Variants in CADPS observed in about 807,000 individuals in gnomAD.
CADPS encodes the protein calcium dependent secretion activator, also known as calcium-dependent secretion activator 1.
CADPS carries 57 observed loss-of-function variants against 167.3 expected under a neutral mutation model. The observed-to-expected ratio is 0.34, with a 90% CI of 0.28 to 0.42. CADPS has a LOEUF of 0.42. CADPS is among the 20% of genes least tolerant of loss of function. CADPS has a pLI of 1.00. For missense variants in CADPS, 1,414 were observed against 1,738.1 expected, an observed-to-expected ratio of 0.81 and a Z score of 3.32; for synonymous variants, 676 against 635.3, an observed-to-expected ratio of 1.06 and a Z score of -0.96.
At position 62,475,591 on chromosome 3, in the gene CADPS, A is replaced by C. The variant is rs912735673; in HGVS notation, c.3330-1271T>G. 4.9e-5 allele frequency among the ~76,000 whole-genome samples: 7 copies of C among 142,648 alleles called. No homozygotes were observed. The East Asian group carries it at 5.9e-4, about 12-fold the overall frequency. 93.6% of individuals were successfully genotyped at this position (142,648 alleles called of 152,430 possible). On this transcript the variant is annotated intron_variant, in intron 23 of 29. Coordinates refer to ENST00000383710, the MANE Select transcript of CADPS (RefSeq NM_003716.4). ...TGGGAGCCCAGTTCTTAAGAAAAAA[A>C]AAAAAAAAAAAAAAAAAAAAACACC...
At chr3:62,841,621 G>A (rs2076664219) in intron 1 of CADPS, among the ~76,000 whole-genome samples, 1 of 152,156 alleles carries the variant, frequency 6.6e-6, no homozygotes, top group Non-Finnish European at 1.5e-5. Context: ...GGAGGGTGAG[G>A]CAGGAAGAGG....
intron 5 of CADPS, among the ~76,000 whole-genome samples, chr3:62,646,414 C>T (rs143846712): frequency 8.3e-4 from 126 of 152,078 alleles, no homozygotes; most frequent in Middle Eastern, 3.4e-3. Context: ...TCAGGCACTA[C>T]GCCCGCCTCA....
chr3:62,590,601 G>A (rs1358648310), intron 7 of CADPS, among the ~76,000 whole-genome samples: 3 of 151,968 alleles, frequency 2.0e-5, no homozygotes, highest in African/African-American at 7.3e-5. Flanking sequence ...ATGACTCCAG[G>A]TTGATTCTAT....
intron 17 of CADPS, among the ~76,000 whole-genome samples, chr3:62,510,328 G>A (rs1014564458): frequency 8.5e-5 from 13 of 152,094 alleles, no homozygotes; most frequent in Admixed American, 4.6e-4. Flanking sequence ...GGAGGAAAAA[G>A]TTGTTTTATT....
chr3:62,441,361 C>T (rs1291822841), intron 27 of CADPS, among the ~76,000 whole-genome samples: 1 of 152,156 alleles, frequency 6.6e-6, no homozygotes, highest in Non-Finnish European at 1.5e-5. Context: ...AAAAGAAGAA[C>T]ATTTTAATCT....
chr3:62,597,589 G>T (rs1465526896), intron 6 of CADPS, among the ~76,000 whole-genome samples: 3 of 152,152 alleles, frequency 2.0e-5, no homozygotes, highest in Non-Finnish European at 2.9e-5. Flanking sequence ...AACCCAGGAT[G>T]CCTGAACCCC....
At chr3:62,744,989 G>A (rs1005607285) in intron 3 of CADPS, among the ~76,000 whole-genome samples, 1 of 152,194 alleles carries the variant, frequency 6.6e-6, no homozygotes, top group Non-Finnish European at 1.5e-5. Context: ...AGAAAATTAT[G>A]GCTCTGGGAA....
chr3:62,825,546 T>C (rs532641552), intron 1 of CADPS, among the ~76,000 whole-genome samples: 14 of 152,170 alleles, frequency 9.2e-5, no homozygotes, highest in Non-Finnish European at 1.5e-4. Flanking sequence ...GAATACCTTA[T>C]GGAGTAGGCA....
At chr3:62,698,565 A>T (rs2080782876) in intron 3 of CADPS, among the ~76,000 whole-genome samples, 1 of 151,816 alleles carries the variant, frequency 6.6e-6, no homozygotes, top group South Asian at 2.1e-4. Flanking sequence ...GCCCTGTGGG[A>T]CCTCAATTTC....
chr3:62,650,822 C>T (rs1278942423), intron 5 of CADPS, 25 bp downstream of exon 5: 2 of 1,590,108 alleles, frequency 1.3e-6, no homozygotes, highest in Admixed American at 1.7e-5. Flanking sequence ...TGCCAAGAAA[C>T]TTTCAAGGGC....
intron 1 of CADPS, among the ~76,000 whole-genome samples, chr3:62,861,580 C>T (rs1036062221): frequency 3.9e-5 from 6 of 152,190 alleles, no homozygotes; most frequent in Admixed American, 3.9e-4. Context: ...ATGACCTTTT[C>T]TCACAGTGTG....
intron 8 of CADPS, among the ~76,000 whole-genome samples, chr3:62,582,405 C>T (rs772450065): frequency 1.8e-4 from 27 of 152,158 alleles, no homozygotes; most frequent in East Asian, 1.9e-4. Context: ...GAGATCACAC[C>T]GCTGCACTCC....
intron 11 of CADPS, 142 bp downstream of exon 11, chr3:62,549,761 T>A (rs1186521348): frequency 3.0e-6 from 2 of 672,636 alleles, no homozygotes; most frequent in Non-Finnish European, 5.0e-6. Context: ...TGCCCCAACT[T>A]TCCCCCTGAA....
intron 10 of CADPS, among the ~76,000 whole-genome samples, chr3:62,554,128 G>A (rs1002452674): frequency 6.6e-6 from 1 of 152,116 alleles, no homozygotes; most frequent in Non-Finnish European, 1.5e-5. Flanking sequence ...GAATTATTCT[G>A]GATTAATATT....
At chr3:62,499,028 C>T (rs1480012773) in intron 18 of CADPS, 134 bp downstream of exon 18, 1 of 551,504 alleles carries the variant, frequency 1.8e-6, no homozygotes, top group Non-Finnish European at 3.3e-6. Context: ...AAAACTTCCA[C>T]TTTCATTCCC....
chr3:62,638,106 T>C (rs903179949), intron 6 of CADPS, among the ~76,000 whole-genome samples: 1 of 148,060 alleles, frequency 6.8e-6, no homozygotes, highest in Non-Finnish European at 1.5e-5. Flanking sequence ...TATATATATA[T>C]AGCAATTAAT....
At chr3:62,582,796 T>C (rs1048272503) in intron 8 of CADPS, among the ~76,000 whole-genome samples, 1 of 152,196 alleles carries the variant, frequency 6.6e-6, no homozygotes, top group Non-Finnish European at 1.5e-5. Context: ...GAGCTACATA[T>C]TTCTTCTGTC....
At chr3:62,756,057 C>CTTTTTCT (rs2083824305) in intron 2 of CADPS, among the ~76,000 whole-genome samples, 1 of 142,076 alleles carries the variant, frequency 7.0e-6, no homozygotes, top group African/African-American at 2.6e-5. Context: ...TTTTCTTTTT[C>CTTTTTCT]TTTTTTTTTT....
intron 28 of CADPS, among the ~76,000 whole-genome samples, chr3:62,434,433 T>C (rs1382706287): frequency 6.6e-6 from 1 of 152,084 alleles, no homozygotes; most frequent in Non-Finnish European, 1.5e-5. Context: ...ACTAGGTAAA[T>C]CAATTATATT....
Sources: allele counts gnomAD v4.1 joint callset (sites outside exome capture counted in the v4.1 genomes callset), GRCh38; gene constraint gnomAD v4.1.1; transcripts MANE v1.5; gene names NCBI Gene and HGNC (gene_info 2026-07-23, HGNC 2026-07-21).